MTRR: variants seen among roughly 807,000 people sequenced by gnomAD.
MTRR encodes the protein 5-methyltetrahydrofolate-homocysteine methyltransferase reductase.
A neutral mutation model predicts 79.2 loss-of-function variants in MTRR; 63 were observed. The ratio of observed to expected loss-of-function variants is 0.80; its 90% CI spans 0.65 to 0.98. MTRR has a LOEUF of 0.98. Among genes scored for constraint, MTRR ranks in the 50% least tolerant of loss-of-function variants. The pLI is 0.00. For synonymous variants in MTRR, 355 were observed against 313.3 expected, an observed-to-expected ratio of 1.13 and a Z score of -1.41; for missense variants, 895 against 839.6, an observed-to-expected ratio of 1.07 and a Z score of -0.82.
At chr5:7,862,770 A>C in intron 2 of MTRR, 1 of 1,486,310 alleles carries the variant, frequency 6.7e-7, no homozygotes, top group Non-Finnish European at 9.2e-7. Flanking sequence ...TATATCTCCA[A>C]AATCGAACAG....
chr5:7,866,740 T>C (rs1561105987), upstream of MTRR: 13 of 1,614,052 alleles, frequency 8.1e-6, no homozygotes, highest in Non-Finnish European at 9.3e-6. Flanking sequence ...GAAGTTTCAA[T>C]AATGATTTGG....
chr5:7,867,084 G>C, upstream of MTRR: 3 of 1,614,144 alleles, frequency 1.9e-6, no homozygotes, highest in South Asian at 3.3e-5. Context: ...ACTCTCCTAA[G>C]CTCCTCGTTA....
intron 9 of MTRR, 54 bp from the exon 10 acceptor site, chr5:7,891,318 A>C: frequency 1.3e-6 from 1 of 741,664 alleles, no homozygotes; most frequent in South Asian, 1.7e-5. Flanking sequence ...TTTTTAGGTA[A>C]GGTTATTTTC....
chr5:7,893,897 C>T (rs1234409427), intron 11 of MTRR, among the ~76,000 whole-genome samples: 1 of 152,150 alleles, frequency 6.6e-6, no homozygotes, highest in African/African-American at 2.4e-5. Flanking sequence ...CTCTATACAT[C>T]ATGTATTCAT....
intron 2 of MTRR, among the ~76,000 whole-genome samples, chr5:7,864,061 G>C (rs569676636): frequency 6.6e-6 from 1 of 152,176 alleles, no homozygotes; most frequent in East Asian, 1.9e-4. Context: ...ATGTTAGCAA[G>C]GCTGGTCTCG....
At chr5:7,890,553 A>C in intron 9 of MTRR, 1 of 335,152 alleles carries the variant, frequency 3.0e-6, no homozygotes, top group Non-Finnish European at 4.2e-6. Flanking sequence ...TAAAAAAATT[A>C]AAGTCATTGG....
At chr5:7,891,488 A>G in intron 10 of MTRR, 74 bp downstream of exon 10, 2 of 1,266,376 alleles carry the variant, frequency 1.6e-6, no homozygotes, top group Non-Finnish European at 2.3e-6. Context: ...AGATCATTAG[A>G]GTTTACTAAT....
intron 1 of MTRR, among the ~76,000 whole-genome samples, chr5:7,854,373 T>G (rs1159368306): frequency 6.6e-6 from 1 of 151,650 alleles, no homozygotes; most frequent in East Asian, 1.9e-4. Flanking sequence ...TATATTTTTT[T>G]ATATGGGAGT....
chr5:7,893,067 CTG>C, intron 11 of MTRR, 154 bp downstream of exon 11: 1 of 855,080 alleles, frequency 1.2e-6, no homozygotes, highest in Non-Finnish European at 1.8e-6. Flanking sequence ...GAGCAGAAAA[CTG>C]TTTACTTCCA....
chr5:7,884,039 C>T lies in MTRR; in HGVS notation c.903+762C>T, dbSNP rs549446611. On this transcript the variant is annotated intron_variant, in intron 6 of 14. Transcript: ENST00000440940. The stretch of plus-strand genomic sequence containing the variant: ...AGTAGCTGGGCATGGTGGTGTGTAC[C>T]GATGGTCCCAGCTACTTGGGAGGCT... Among the ~76,000 whole-genome samples, 34 of 152,240 alleles carry T rather than the reference C, an allele frequency of 2.2e-4. 1 individual carries two copies. The highest frequency in any genetic ancestry group is 1.8e-3 in the Admixed American group (28 of 15,302).
intron 1 of MTRR, among the ~76,000 whole-genome samples, chr5:7,855,940 C>T (rs952178400): frequency 7.2e-5 from 11 of 152,138 alleles, no homozygotes; most frequent in Non-Finnish European, 1.3e-4. Flanking sequence ...TTTCCTGACT[C>T]GTGCAGCAGG....
At chr5:7,872,830 T>C (rs1240015715) in intron 2 of MTRR, among the ~76,000 whole-genome samples, 6 of 152,162 alleles carry the variant, frequency 3.9e-5, no homozygotes, top group African/African-American at 1.4e-4. Flanking sequence ...AACACCTCTT[T>C]CCTTGCTTTT....
chr5:7,888,927 A>G (rs796673407), intron 8 of MTRR, among the ~76,000 whole-genome samples, 168 bp from the exon 9 acceptor site: 38 of 152,330 alleles, frequency 2.5e-4, no homozygotes, highest in African/African-American at 8.7e-4. Flanking sequence ...ACAGGTCAAC[A>G]TTAAAGCAAA....
upstream of MTRR, chr5:7,850,992 C>T: frequency 7.7e-7 from 1 of 1,290,648 alleles, no homozygotes; most frequent in Non-Finnish European, 9.8e-7. Context: ...GCAGCGTGGA[C>T]GCGGTGGTCT....
chr5:7,866,626 AG>A, upstream of MTRR: 1 of 1,535,532 alleles, frequency 6.5e-7, no homozygotes, highest in Non-Finnish European at 8.8e-7. Flanking sequence ...TCCAACTGTC[AG>A]AATTTATAAC....
rs776958306 is a variant in MTRR at position 7,870,776 on chromosome 5, T to C, written c.-19T>C. On this transcript the variant is annotated 5_prime_UTR_variant, in exon 2 of 15. Transcript: ENST00000440940. ...TTTTTCCCCCATTTTTCAGTTTCAC[T>C]GTTACATGCCTTGAAGTGATGAGGA... The C allele has an allele frequency of 9.3e-6, 15 of 1,614,098 alleles. No homozygotes were observed. The highest frequency in any genetic ancestry group is 1.6e-4 in the Middle Eastern group (1 of 6,084).
intron 2 of MTRR, chr5:7,863,260 G>A (rs2126599631): frequency 9.7e-6 from 4 of 411,012 alleles, no homozygotes; most frequent in East Asian, 5.2e-5. Context: ...AAGTAAAGAA[G>A]GAAGGTAAAA....
At chr5:7,875,660 A>G (rs1039234282) in intron 4 of MTRR, among the ~76,000 whole-genome samples, 10 of 152,230 alleles carry the variant, frequency 6.6e-5, no homozygotes, top group Non-Finnish European at 1.5e-4. Flanking sequence ...AGGTATTTGC[A>G]GAAATCAGCT....
At chr5:7,861,557 G>T in intron 1 of MTRR, 1 of 1,515,576 alleles carries the variant, frequency 6.6e-7, no homozygotes. Context: ...GTCTTGTAAT[G>T]TGAAAAACAC....
Sources: gnomAD v4.1 joint callset for allele counts (sites outside exome capture counted in the v4.1 genomes callset) on GRCh38, gnomAD v4.1.1 for gene constraint, MANE v1.5 for transcripts, NCBI Gene and HGNC (gene_info 2026-07-23, HGNC 2026-07-21) for gene names.